GPC5: variants seen among roughly 807,000 people sequenced by gnomAD.
The protein encoded by GPC5 is glypican-5.
A neutral mutation model predicts 53.9 loss-of-function variants in GPC5; 47 were observed. The observed-to-expected ratio is 0.87, with a 90% confidence interval of 0.69 to 1.11. The LOEUF is 1.11. GPC5 is among the 50% of genes most tolerant of loss of function. GPC5 has a pLI of 0.00. For missense variants in GPC5, 748 were observed against 713.1 expected (o/e 1.05, Z -0.56); for synonymous variants, 286 against 263.3 (o/e 1.09, Z -0.84).
At chr13:91,790,616 A>T (rs1392280667) in intron 5 of GPC5, among the ~76,000 whole-genome samples, 2 of 152,220 alleles carry the variant, frequency 1.3e-5, no homozygotes, top group Non-Finnish European at 2.9e-5. Flanking sequence ...ATTTTCTATG[A>T]TATGTTCAGA....
chr13:92,125,121 G>A (rs1452952721), intron 6 of GPC5, among the ~76,000 whole-genome samples: 1 of 152,154 alleles, frequency 6.6e-6, no homozygotes, highest in African/African-American at 2.4e-5. Flanking sequence ...ATGCTTTCTG[G>A]AGAGGCCCAT....
intron 2 of GPC5, among the ~76,000 whole-genome samples, chr13:91,535,877 G>A (rs963663963): frequency 6.6e-6 from 1 of 152,008 alleles, no homozygotes; most frequent in African/African-American, 2.4e-5. Flanking sequence ...TAACTGGTGA[G>A]GACTAATATG....
chr13:92,724,875 T>TAC (rs58824655), intron 7 of GPC5, among the ~76,000 whole-genome samples: 30,721 of 137,518 alleles, frequency 0.22, 3,548 homozygotes, highest in East Asian at 0.37. Flanking sequence ...GTCCTACACA[T>TAC]ACACACACAC....
chr13:92,385,077 A>T (rs73631033), intron 7 of GPC5, among the ~76,000 whole-genome samples: 1 of 152,062 alleles, frequency 6.6e-6, no homozygotes, highest in African/African-American at 2.4e-5. Flanking sequence ...TTTTCTGTAG[A>T]AGAGATATGA....
chr13:92,326,319 C>T (rs1021746367), intron 7 of GPC5, among the ~76,000 whole-genome samples: 79 of 152,120 alleles, frequency 5.2e-4, no homozygotes, highest in African/African-American at 1.8e-3. Context: ...TCCTTCTCCT[C>T]TCCCACTAAA....
intron 2 of GPC5, among the ~76,000 whole-genome samples, chr13:91,660,805 C>G (rs780241022): frequency 4.6e-5 from 7 of 152,106 alleles, no homozygotes; most frequent in Non-Finnish European, 7.3e-5. Context: ...TAAGTCACTA[C>G]TCCTTCTTAA....
intron 7 of GPC5, among the ~76,000 whole-genome samples, chr13:92,707,447 T>C (rs2139262810): frequency 6.6e-6 from 1 of 152,138 alleles, no homozygotes; most frequent in African/African-American, 2.4e-5. Flanking sequence ...TGTTGTTTTG[T>C]TTCCAACGGC....
intron 5 of GPC5, among the ~76,000 whole-genome samples, chr13:91,789,416 A>G (rs1447096238): frequency 2.6e-5 from 4 of 152,220 alleles, no homozygotes; most frequent in Non-Finnish European, 5.9e-5. Flanking sequence ...CTGATCTTAA[A>G]TAGTATTTGT....
At chr13:92,663,711 CTA>C (rs976383431) in intron 7 of GPC5, among the ~76,000 whole-genome samples, 20 of 127,932 alleles carry the variant, frequency 1.6e-4, no homozygotes, top group African/African-American at 5.3e-4. Flanking sequence ...TATATATCTA[CTA>C]TATATATCTA....
intron 6 of GPC5, among the ~76,000 whole-genome samples, chr13:92,013,584 A>C (rs1328037983): frequency 5.9e-5 from 9 of 152,164 alleles, no homozygotes; most frequent in African/African-American, 1.9e-4. Flanking sequence ...ACAGGAATAG[A>C]CATTCTCGCT....
intron 7 of GPC5, among the ~76,000 whole-genome samples, chr13:92,214,371 A>G (rs2042395671): frequency 6.6e-6 from 1 of 152,180 alleles, no homozygotes; most frequent in Admixed American, 6.5e-5. Context: ...ATCTTTATAA[A>G]CATTATTGAA....
At chr13:91,513,918 T>G (rs1292673458) in intron 2 of GPC5, among the ~76,000 whole-genome samples, 1 of 152,208 alleles carries the variant, frequency 6.6e-6, no homozygotes, top group African/African-American at 2.4e-5. Flanking sequence ...GTATGTAACT[T>G]TTTAAAAATC....
At chr13:92,853,025 G>A (rs146041695) in intron 7 of GPC5, among the ~76,000 whole-genome samples, 53 of 152,094 alleles carry the variant, frequency 3.5e-4, no homozygotes, top group African/African-American at 8.7e-4. Flanking sequence ...TTAGAGTTTC[G>A]ACCAGCTTTT....
chr13:91,760,295 C>T (rs992430768), intron 5 of GPC5, among the ~76,000 whole-genome samples: 2 of 152,070 alleles, frequency 1.3e-5, no homozygotes, highest in African/African-American at 4.8e-5. Flanking sequence ...AAGTCCTGAT[C>T]ACTGTTACAA....
chr13:92,560,795 T>C (rs889843355), intron 7 of GPC5, among the ~76,000 whole-genome samples: 2 of 151,786 alleles, frequency 1.3e-5, no homozygotes, highest in African/African-American at 4.8e-5. Flanking sequence ...ATAGTGAACC[T>C]TTAGACAGGA....
At chr13:91,693,154 C>T (rs374077700) in intron 2 of GPC5, 33 bp from the exon 3 acceptor site, 35 of 1,494,716 alleles carry the variant, frequency 2.3e-5, no homozygotes, top group Non-Finnish European at 3.0e-5. Flanking sequence ...GAATACTAAA[C>T]CTTCTCATGT....
chr13:92,526,373 T>G (rs774087114), intron 7 of GPC5, among the ~76,000 whole-genome samples: 1 of 152,024 alleles, frequency 6.6e-6, no homozygotes, highest in Non-Finnish European at 1.5e-5. Flanking sequence ...ACTAACTCCA[T>G]AGATAGTGTC....
Position 92,187,408 on chromosome 13 carries a change from T to C in GPC5, c.1561+42419T>C, listed in dbSNP as rs111345279. On this transcript the variant is annotated intron_variant, in intron 7 of 7. Transcript: ENST00000377067. ...AGAGGACTCAAAAATGCTGCAATTTTAAATCAAACTATGGTCTCAATGGAC... is the reference window on the plus strand; with the variant it reads ...AGAGGACTCAAAAATGCTGCAATTTCAAATCAAACTATGGTCTCAATGGAC... 1.1e-4 allele frequency among the ~76,000 whole-genome samples: 17 copies of C among 152,346 alleles called. 1 individual carries two copies. Among genetic ancestry groups the C allele is most frequent in the African/African-American group, 3.8e-4 (16 of 41,584 alleles).
At chr13:92,319,106 A>G (rs1186592353) in intron 7 of GPC5, among the ~76,000 whole-genome samples, 1 of 152,148 alleles carries the variant, frequency 6.6e-6, no homozygotes, top group Non-Finnish European at 1.5e-5. Context: ...AAACTGAAAG[A>G]GTGTCTCAGC....
Sources: allele counts gnomAD v4.1 joint callset (sites outside exome capture counted in the v4.1 genomes callset), GRCh38; gene constraint gnomAD v4.1.1; transcripts MANE v1.5; gene names NCBI Gene and HGNC (gene_info 2026-07-23, HGNC 2026-07-21).